Variants in ANLN observed in about 807,000 individuals in gnomAD.
ANLN encodes the protein anillin.
ANLN carries 59 observed loss-of-function variants against 135.1 expected under a neutral mutation model. The observed-to-expected ratio is 0.44, with a 90% CI of 0.35 to 0.54. ANLN has a LOEUF of 0.54. Among genes scored for constraint, ANLN ranks in the 20% least tolerant of loss-of-function variants. The pLI is 0.00. For synonymous variants in ANLN, 406 were observed against 456.4 expected (o/e 0.89, Z 1.41); for missense variants, 1,182 against 1,340.0 (o/e 0.88, Z 1.84).
chr7:36,431,539 A>G (rs1332403384), intron 20 of ANLN, among the ~76,000 whole-genome samples: 4 of 132,752 alleles, frequency 3.0e-5, no homozygotes, highest in African/African-American at 1.1e-4. Context: ...TCATATATAT[A>G]TGTGTGTATA....
intron 2 of ANLN, among the ~76,000 whole-genome samples, chr7:36,397,311 G>A (rs997512675): frequency 4.6e-5 from 7 of 152,144 alleles, no homozygotes; most frequent in African/African-American, 1.7e-4. Context: ...GGAAAATAGG[G>A]GCCTGACCCT....
In ANLN at chr7:36,453,113, A is replaced by G. The variant is rs1293589213; in HGVS notation, c.*513A>G. ...AGTAATGAGGATGAGAACTTTTTCA[A>G]ATAGCAAATATATATTGGCTTAAAG... is the stretch of plus-strand genomic sequence containing the variant. On this transcript the variant is annotated 3_prime_UTR_variant, in exon 24 of 24. Coordinates refer to ENST00000265748, the MANE Select transcript of ANLN (RefSeq NM_018685.5). 1 of 152,632 alleles carries G rather than the reference A, an allele frequency of 6.6e-6. No homozygotes were observed. Among genetic ancestry groups the G allele is most frequent in the Non-Finnish European group, 1.5e-5 (1 of 68,368 alleles). 9.5% of individuals were successfully genotyped at this position (152,632 alleles called of 1,614,324 possible).
chr7:36,424,629 A>G (rs750751324), intron 16 of ANLN, 36 bp downstream of exon 16: 25 of 1,599,162 alleles, frequency 1.6e-5, no homozygotes, highest in Non-Finnish European at 1.9e-5. Context: ...AATGAAGAGT[A>G]TATTTTTCTT....
Position 36,437,080 on chromosome 7 carries a change from A to T in ANLN, c.2884-2124A>T, listed in dbSNP as rs147961388. 2.4e-3 allele frequency among the ~76,000 whole-genome samples: 367 copies of T among 152,276 alleles called. 1 individual carries two copies. The highest frequency in any genetic ancestry group is 8.3e-3 in the African/African-American group (345 of 41,544). On this transcript the variant is annotated intron_variant, in intron 20 of 23. Transcript: ENST00000265748. ...CTATAAGCATTATGTTATATAGCAG[A>T]TCTATAGAATTTTCTTCATTTTGCA...
In ANLN at chr7:36,426,047, C is replaced by G. The variant is rs1232761615; in HGVS notation, c.2770+11C>G. The G allele has an allele frequency of 6.8e-7, 1 of 1,467,256 alleles. No homozygotes were observed. Among genetic ancestry groups the G allele is most frequent in the East Asian group, 2.4e-5 (1 of 41,726 alleles). The allele number at this position is 1,467,256 out of a possible 1,614,324, so 90.9% of individuals were successfully genotyped here. On this transcript the variant is annotated intron_variant, in intron 19 of 23. Transcript: ENST00000265748. ...ACATTCATTCTTCAGGTGAGTGTAT[C>G]TTGAACTATTTGAAACTTTAGAATA...
intron 14 of ANLN, among the ~76,000 whole-genome samples, 190 bp downstream of exon 14, chr7:36,422,999 TA>T (rs773870227): frequency 2.0e-5 from 3 of 152,316 alleles, no homozygotes; most frequent in African/African-American, 7.2e-5. Flanking sequence ...ATCTACACAA[TA>T]ATGGACATTG....
Position 36,419,408 on chromosome 7 carries a change from G to T in ANLN, c.1798G>T (p.Asp600Tyr), listed in dbSNP as rs746177762. 6.2e-7 allele frequency: 1 copy of T among 1,614,152 alleles called. No homozygotes were observed. Among genetic ancestry groups the T allele is most frequent in the Non-Finnish European group, 8.5e-7 (1 of 1,180,018 alleles). Residue 600 changes from aspartate (D) to tyrosine (Y), a missense_variant, in exon 10 of 24, where the codon GAT becomes TAT. Asp to Tyr is a radical substitution (Grantham distance 160). Transcript: ENST00000265748. ...ALAESSEEQE[D>Y]ALNISSMSLL... is the part of the protein sequence containing the mutation. ...AGCAGAAAGCAGCGAAGAACAGGAA[G>T]ATGCACTGAATATCTCCTCAATGTC... is the stretch of plus-strand genomic sequence containing the variant.
rs1788055201 is a variant in ANLN at position 36,425,746 on chromosome 7, T to C, written c.2748+6T>C. ...TCCTCACATCTATAACCACAGTAAG[T>C]AGAATTTTTGAGAAATTGAGCTTCC... On this transcript the variant is annotated splice_donor_region_variant and intron_variant, in intron 18 of 23. Coordinates refer to ENST00000265748, the MANE Select transcript of ANLN (RefSeq NM_018685.5). 3.1e-6 allele frequency: 5 copies of C among 1,610,708 alleles called. No homozygotes were observed. Among genetic ancestry groups the C allele is most frequent in the African/African-American group, 1.3e-5 (1 of 74,904 alleles).
rs141552026 is a variant in ANLN at position 36,415,192 on chromosome 7, G to A, written c.1396-566G>A. Among the ~76,000 whole-genome samples, 769 of 152,230 alleles carry A rather than the reference G, an allele frequency of 5.1e-3. 6 individuals are homozygous for A. Among genetic ancestry groups the A allele is most frequent in the African/African-American group, 0.018 (728 of 41,526 alleles). On this transcript the variant is annotated intron_variant, in intron 7 of 23. Transcript: ENST00000265748. ...TGCTAATGAATAAAAAGACTCAGAC[G>A]AGGGAATGTTTTCTTCTCTTCTCTT...
At chr7:36,425,465 T>C (rs1788042626) in intron 17 of ANLN, among the ~76,000 whole-genome samples, 1 of 151,994 alleles carries the variant, frequency 6.6e-6, no homozygotes, top group African/African-American at 2.4e-5. Context: ...TGACTAATTT[T>C]TTGTATTTTT....
chr7:36,443,850 T>C lies in ANLN; in HGVS notation c.3066T>C (p.Asp1022=). 1 of 1,606,270 alleles carries C rather than the reference T, an allele frequency of 6.2e-7. No individual in the cohort carries two copies. Among genetic ancestry groups the C allele is most frequent in the African/African-American group, 1.3e-5 (1 of 74,992 alleles). Reference sequence around the variant, plus strand: ...TATCTTATTGGACTTATCCAGATGATGAGAAACGCAAGGTAATTTATATAG... The same window carrying C: ...TATCTTATTGGACTTATCCAGATGACGAGAAACGCAAGGTAATTTATATAG... ...NCISYWTYPD[D]EKRKNPIGRI... is the part of the protein sequence containing the mutation. The change falls in exon 22 of 24, where the codon GAT becomes GAC. Residue 1022 remains aspartate, a synonymous_variant. Transcript: ENST00000265748.
chr7:36,438,113 C>T (rs971523462), intron 20 of ANLN, among the ~76,000 whole-genome samples: 1 of 152,102 alleles, frequency 6.6e-6, no homozygotes, highest in African/African-American at 2.4e-5. Flanking sequence ...ATAATTTTAG[C>T]TCTCATACTT....
At chr7:36,402,862 C>G (rs1409865913) in intron 3 of ANLN, among the ~76,000 whole-genome samples, 1 of 152,154 alleles carries the variant, frequency 6.6e-6, no homozygotes. Flanking sequence ...CTGCAATACC[C>G]TTTATATACT....
At chr7:36,429,500 A>G (rs565533777) in intron 20 of ANLN, among the ~76,000 whole-genome samples, 1 of 152,322 alleles carries the variant, frequency 6.6e-6, no homozygotes, top group Non-Finnish European at 1.5e-5. Context: ...GGATTACAGG[A>G]GTGAGCCACT....
intron 2 of ANLN, among the ~76,000 whole-genome samples, chr7:36,398,500 C>A (rs1394899425): frequency 1.3e-5 from 2 of 152,194 alleles, no homozygotes; most frequent in Non-Finnish European, 2.9e-5. Flanking sequence ...GCTGTATAAT[C>A]CTTAAAATCT....
chr7:36,415,794 C>T lies in ANLN; in HGVS notation c.1432C>T (p.Gln478Ter). Residue 478 changes from glutamine (Q) to a stop codon, truncating the protein, a stop_gained, in exon 8 of 24, where the codon CAA becomes TAA. Coordinates refer to ENST00000265748, the MANE Select transcript of ANLN (RefSeq NM_018685.5). LOFTEE classifies it high-confidence loss of function. ...TCAGAGCACTCCCCTCAAAAAACAC[C>T]AAGGTGTTTCAAAAACTCAGTCACT... ...HCQSTPLKKH[Q>*]GVSKTQSLPV... The T allele has an allele frequency of 6.2e-7, 1 of 1,607,036 alleles. No individual in the cohort carries two copies. Among genetic ancestry groups the T allele is most frequent in the Non-Finnish European group, 8.5e-7 (1 of 1,177,902 alleles).
At chr7:36,431,281 A>G (rs924916921) in intron 20 of ANLN, among the ~76,000 whole-genome samples, 2 of 152,096 alleles carry the variant, frequency 1.3e-5, no homozygotes, top group South Asian at 4.1e-4. Flanking sequence ...ATCTCATGAA[A>G]TTAGTCTACT....
intron 17 of ANLN, among the ~76,000 whole-genome samples, chr7:36,425,312 T>C (rs1788036048): frequency 6.9e-6 from 1 of 144,570 alleles, no homozygotes; most frequent in African/African-American, 2.7e-5. Flanking sequence ...TTTTTTTTTT[T>C]GAGACGGAGT....
chr7:36,412,327 A>ATAT lies in ANLN; in HGVS notation c.1395+1162_1395+1163insATT, dbSNP rs1491401014. ...GAGAAATATATATATATATATATAT[A>ATAT]TTTTTTTTTTTTTTTTTTGACATGG... is the stretch of plus-strand genomic sequence containing the variant. On this transcript the variant is annotated intron_variant, in intron 7 of 23. Transcript: ENST00000265748. Among the ~76,000 whole-genome samples, 43 of 94,804 alleles carry ATAT rather than the reference A, an allele frequency of 4.5e-4. 1 individual carries two copies. The highest frequency in any genetic ancestry group is 1.6e-3 in the African/African-American group (41 of 26,090). 62.2% of individuals were successfully genotyped at this position (94,804 alleles called of 152,430 possible).
Sources: gnomAD v4.1 joint callset for allele counts (sites outside exome capture counted in the v4.1 genomes callset) on GRCh38, gnomAD v4.1.1 for gene constraint, MANE v1.5 for transcripts, NCBI Gene and HGNC (gene_info 2026-07-23, HGNC 2026-07-21) for gene names.